Variants in APBB2 observed in about 807,000 individuals in gnomAD.
APBB2 encodes amyloid beta precursor protein binding family B member 2.
In APBB2, 38 loss-of-function variants were observed where a neutral mutation model predicts 82.5. The observed-to-expected ratio is 0.46, with a 90% CI of 0.36 to 0.60. APBB2 has a LOEUF of 0.60. Ranked by LOEUF, APBB2 falls within the 20% of genes least tolerant of loss-of-function variation. APBB2 has a pLI of 0.00. For synonymous variants in APBB2, 341 were observed against 368.2 expected (o/e 0.93, Z 0.85); for missense variants, 772 against 972.3 (o/e 0.79, Z 2.74).
chr4:40,945,867 C>T (rs183939978), intron 6 of APBB2, among the ~76,000 whole-genome samples: 26 of 152,364 alleles, frequency 1.7e-4, no homozygotes, highest in African/African-American at 6.3e-4. Flanking sequence ...CTTGGCCTCC[C>T]AAAGTGCTGG....
chr4:41,049,852 T>C lies in APBB2; in HGVS notation c.-51+15724A>G, dbSNP rs185369538. Reference sequence around the variant, plus strand: ...GGTGCTCTCTGAAACATGTGCTATGTCCACTCAGGGTTAAATGGATTAAGG... The same window carrying C: ...GGTGCTCTCTGAAACATGTGCTATGCCCACTCAGGGTTAAATGGATTAAGG... On this transcript the variant is annotated intron_variant, in intron 4 of 17. Transcript: ENST00000508593. Among the ~76,000 whole-genome samples, 422 of 152,238 alleles carry C rather than the reference T, an allele frequency of 2.8e-3. 2 individuals carry two copies. Among genetic ancestry groups the C allele is most frequent in the African/African-American group, 9.6e-3 (399 of 41,552 alleles).
intron 5 of APBB2, among the ~76,000 whole-genome samples, chr4:41,029,960 T>C (rs534765148): frequency 3.4e-4 from 52 of 152,176 alleles, no homozygotes; most frequent in African/African-American, 1.2e-3. Flanking sequence ...ATCAAGGCCA[T>C]CCTGGCTAAC....
chr4:41,118,123 A>AAG (rs1363871936), intron 2 of APBB2: 1 of 152,210 alleles, frequency 6.6e-6, no homozygotes, highest in Non-Finnish European at 1.5e-5. Context: ...CTGAGGAAGG[A>AAG]AGATCAGTTG....
At chr4:41,035,385 G>T (rs1401371891) in intron 4 of APBB2, among the ~76,000 whole-genome samples, 3 of 152,098 alleles carry the variant, frequency 2.0e-5, no homozygotes, top group Non-Finnish European at 4.4e-5. Flanking sequence ...TAATTAAAAG[G>T]GTGGGTTTAT....
intron 16 of APBB2, 62 bp from the exon 17 acceptor site, chr4:40,822,112 G>A (rs1748187033): frequency 6.3e-7 from 1 of 1,577,466 alleles, no homozygotes; most frequent in African/African-American, 1.4e-5. Context: ...AAGAGTGGCA[G>A]CACATAGGAA....
chr4:41,002,848 G>A (rs928086386), intron 6 of APBB2, among the ~76,000 whole-genome samples: 3 of 152,138 alleles, frequency 2.0e-5, no homozygotes, highest in African/African-American at 7.2e-5. Context: ...TATTGCCTTT[G>A]TAGTGCCCTA....
At chr4:40,923,897 C>T (rs1781956713) in intron 10 of APBB2, among the ~76,000 whole-genome samples, 2 of 152,214 alleles carry the variant, frequency 1.3e-5, no homozygotes, top group African/African-American at 2.4e-5. Flanking sequence ...GCCAGGAACA[C>T]GGCATTATGC....
intron 6 of APBB2, among the ~76,000 whole-genome samples, chr4:41,013,292 T>G (rs570981353): frequency 6.6e-6 from 1 of 152,270 alleles, no homozygotes; most frequent in African/African-American, 2.4e-5. Flanking sequence ...ACTGGAAGTG[T>G]AATTTCTAAA....
intron 6 of APBB2, among the ~76,000 whole-genome samples, chr4:41,000,160 C>T (rs1242609664): frequency 6.7e-6 from 1 of 149,360 alleles, no homozygotes; most frequent in Admixed American, 6.7e-5. Context: ...ACTCAGAAGG[C>T]TGAGGTAGGG....
intron 10 of APBB2, 96 bp from the exon 11 acceptor site, chr4:40,893,507 C>CCTG: frequency 8.9e-7 from 1 of 1,120,214 alleles, no homozygotes; most frequent in South Asian, 2.0e-5. Context: ...AGGTACTACA[C>CCTG]TTAATGCACC....
chr4:41,043,655 T>C (rs150500306), intron 4 of APBB2, among the ~76,000 whole-genome samples: 16 of 152,330 alleles, frequency 1.1e-4, no homozygotes, highest in African/African-American at 3.8e-4. Context: ...AGGCCCTCCA[T>C]GCCCTTCCCT....
intron 12 of APBB2, among the ~76,000 whole-genome samples, chr4:40,854,790 C>CGAAAAAA (rs1760607184): frequency 8.0e-6 from 1 of 124,822 alleles, no homozygotes; most frequent in African/African-American, 3.2e-5. Flanking sequence ...AGTCCATCTC[C>CGAAAAAA]AAAAAAAAAA....
At chr4:41,050,643 C>T (rs1285085288) in intron 4 of APBB2, among the ~76,000 whole-genome samples, 1 of 152,034 alleles carries the variant, frequency 6.6e-6, no homozygotes, top group African/African-American at 2.4e-5. Flanking sequence ...AAAATAGGTA[C>T]AGTCACAGTT....
chr4:41,060,533 G>A (rs927055727), intron 4 of APBB2, among the ~76,000 whole-genome samples: 11 of 152,114 alleles, frequency 7.2e-5, no homozygotes, highest in African/African-American at 2.7e-4. Flanking sequence ...ACAAATACTG[G>A]AGCAACTACC....
At chr4:40,925,702 G>GA (rs147398201) in intron 10 of APBB2, among the ~76,000 whole-genome samples, 6,242 of 152,248 alleles carry the variant, frequency 0.041, 417 homozygotes, top group African/African-American at 0.14. Context: ...GCTAAGTAAT[G>GA]ACAATGAATT....
At chr4:40,924,270 A>G (rs1452045773) in intron 10 of APBB2, among the ~76,000 whole-genome samples, 1 of 152,184 alleles carries the variant, frequency 6.6e-6, no homozygotes, top group Non-Finnish European at 1.5e-5. Flanking sequence ...TTCGTGATTC[A>G]ACCATGTTGC....
chr4:40,949,322 C>G (rs747895226), intron 6 of APBB2, among the ~76,000 whole-genome samples: 9 of 152,084 alleles, frequency 5.9e-5, no homozygotes, highest in African/African-American at 1.9e-4. Context: ...GAAGTCCAGA[C>G]CTTTCCTGAT....
intron 5 of APBB2, among the ~76,000 whole-genome samples, chr4:41,031,221 T>C (rs1057163562): frequency 1.3e-5 from 2 of 151,746 alleles, no homozygotes; most frequent in African/African-American, 4.9e-5. Flanking sequence ...CAAGACTCTG[T>C]CTCAAAAAAA....
intron 6 of APBB2, among the ~76,000 whole-genome samples, chr4:40,957,279 TA>T (rs1791888994): frequency 6.6e-6 from 1 of 152,178 alleles, no homozygotes; most frequent in South Asian, 2.1e-4. Context: ...ATTTCTTCAT[TA>T]AAAAAATATG....
Sources: gnomAD v4.1 joint callset for allele counts (sites outside exome capture counted in the v4.1 genomes callset) on GRCh38, gnomAD v4.1.1 for gene constraint, MANE v1.5 for transcripts, NCBI Gene and HGNC (gene_info 2026-07-23, HGNC 2026-07-21) for gene names.